The following PDE10A variants were observed in gnomAD, a reference collection of about 807,000 sequenced individuals.
PDE10A encodes the protein phosphodiesterase 10A, also known as cAMP and cAMP-inhibited cGMP 3',5'-cyclic phosphodiesterase 10A.
A neutral mutation model predicts 97.7 loss-of-function variants in PDE10A; 39 were observed. That is an observed-to-expected ratio of 0.40 (90% confidence interval 0.31 to 0.52). The LOEUF (loss-of-function observed/expected upper bound fraction) is 0.52. Among genes scored for constraint, PDE10A ranks in the 20% least tolerant of loss-of-function variants. The pLI, the probability that PDE10A is intolerant of heterozygous loss-of-function variation, is 0.56. For synonymous variants in PDE10A, 371 were observed against 376.8 expected, an observed-to-expected ratio of 0.98 and a Z score of 0.18; for missense variants, 731 against 1,047.8, an observed-to-expected ratio of 0.70 and a Z score of 4.17.
chr6:165,541,771 T>C (rs776946797), intron 2 of PDE10A, among the ~76,000 whole-genome samples: 13 of 152,212 alleles, frequency 8.5e-5, no homozygotes, highest in Non-Finnish European at 1.6e-4. Context: ...AATGCCAAGA[T>C]TGAGAAGACA....
intron 1 of PDE10A, among the ~76,000 whole-genome samples, chr6:165,680,692 T>C (rs1790950920): frequency 6.6e-6 from 1 of 152,062 alleles, no homozygotes. Context: ...TCACTTGAGG[T>C]CAAGCGTTCG....
At chr6:165,431,320 T>A in intron 8 of PDE10A, 102 bp downstream of exon 8, 1 of 607,078 alleles carries the variant, frequency 1.6e-6, no homozygotes, top group Non-Finnish European at 2.9e-6. Flanking sequence ...TATCCCAAAA[T>A]AAGGCATTGG....
Position 165,334,197 on chromosome 6 carries a change from T to C in PDE10A, c.3066-1070A>G, listed in dbSNP as rs1309578772. 3.9e-5 allele frequency among the ~76,000 whole-genome samples: 6 copies of C among 152,374 alleles called. No individual in the cohort carries two copies. In the South Asian group the frequency reaches 1.2e-3, roughly 32 times the overall value. Reference sequence around the variant, plus strand: ...AGTTATGTGGTCCAGCCAAGTATACTGAAGCAGGAATGAGGCAGAGCTGCC... The same window carrying C: ...AGTTATGTGGTCCAGCCAAGTATACCGAAGCAGGAATGAGGCAGAGCTGCC... On this transcript the variant is annotated intron_variant, in intron 21 of 21. Transcript: ENST00000539869.
intron 1 of PDE10A, among the ~76,000 whole-genome samples, chr6:165,798,622 C>T (rs1330550513): frequency 6.6e-6 from 1 of 152,052 alleles, no homozygotes; most frequent in African/African-American, 2.4e-5. Flanking sequence ...GGGAAACTGC[C>T]TCATATTTAA....
intron 1 of PDE10A, among the ~76,000 whole-genome samples, chr6:165,562,039 G>C (rs773584310): frequency 2.2e-4 from 34 of 152,092 alleles, no homozygotes; most frequent in African/African-American, 2.4e-5. Flanking sequence ...AGGAGGCCGA[G>C]GCAGGAGGAT....
chr6:165,456,963 C>A (rs2128254212), intron 3 of PDE10A, among the ~76,000 whole-genome samples: 1 of 152,222 alleles, frequency 6.6e-6, no homozygotes, highest in Non-Finnish European at 1.5e-5. Flanking sequence ...AAATTACATG[C>A]AAATGTACTA....
At chr6:165,564,962 T>A (rs1227431621) in intron 1 of PDE10A, among the ~76,000 whole-genome samples, 1 of 152,138 alleles carries the variant, frequency 6.6e-6, no homozygotes, top group African/African-American at 2.4e-5. Context: ...ATGGATTTTT[T>A]AAAAATAACT....
In PDE10A at chr6:165,327,383, ATATTT is replaced by A. The variant is rs1481184318; in HGVS notation, c.*5637_*5641del. 1.3e-5 allele frequency: 2 copies of A among 152,220 alleles called. No individual in the cohort carries two copies. Among genetic ancestry groups the A allele is most frequent in the Non-Finnish European group, 2.9e-5 (2 of 68,040 alleles). The allele number at this position is 152,220 out of a possible 1,614,324, so 9.4% of individuals were successfully genotyped here. On this transcript the variant is annotated 3_prime_UTR_variant, in exon 22 of 22. Transcript: ENST00000539869. ...TATATTTCATGTATCATACATATATATATTTTATGTGTATAATTACATATCAACAA... is the reference window on the plus strand; with the variant it reads ...TATATTTCATGTATCATACATATATATATGTGTATAATTACATATCAACAA...
chr6:165,965,478 C>T (rs779676891), intron 1 of PDE10A, among the ~76,000 whole-genome samples: 2 of 152,144 alleles, frequency 1.3e-5, no homozygotes, highest in Non-Finnish European at 2.9e-5. Context: ...AAAATCACCA[C>T]AATTCTGTCA....
At chr6:165,517,638 C>T (rs1178387755) in intron 2 of PDE10A, among the ~76,000 whole-genome samples, 2 of 152,154 alleles carry the variant, frequency 1.3e-5, no homozygotes, top group Non-Finnish European at 2.9e-5. Flanking sequence ...AGGCTCGACA[C>T]TGCATGATGT....
chr6:165,575,160 C>G (rs1225802360), intron 1 of PDE10A, among the ~76,000 whole-genome samples: 1 of 152,168 alleles, frequency 6.6e-6, no homozygotes, highest in Non-Finnish European at 1.5e-5. Context: ...AACACCTCAG[C>G]AAGCACCACA....
At chr6:165,392,824 G>T in intron 15 of PDE10A, 28 bp from the exon 16 acceptor site, 1 of 1,606,744 alleles carries the variant, frequency 6.2e-7, no homozygotes, top group Non-Finnish European at 8.5e-7. Flanking sequence ...TGTTATGACT[G>T]AAACCAGTAG....
intron 1 of PDE10A, among the ~76,000 whole-genome samples, chr6:165,877,188 A>G (rs936602075): frequency 6.6e-6 from 1 of 152,190 alleles, no homozygotes; most frequent in African/African-American, 2.4e-5. Context: ...CCTCATTGAC[A>G]AGCCCCATCA....
intron 1 of PDE10A, among the ~76,000 whole-genome samples, chr6:165,658,311 C>T (rs1383836849): frequency 1.3e-5 from 2 of 152,202 alleles, no homozygotes; most frequent in East Asian, 1.9e-4. Flanking sequence ...GCATACACAT[C>T]TCCTGTTTTG....
chr6:165,955,604 T>C (rs749042758), intron 1 of PDE10A, among the ~76,000 whole-genome samples: 1 of 152,222 alleles, frequency 6.6e-6, no homozygotes, highest in Non-Finnish European at 1.5e-5. Context: ...CAAAGCCAGA[T>C]ACTAATCCAC....
At chr6:165,370,222 A>T (rs1784130670) in intron 18 of PDE10A, among the ~76,000 whole-genome samples, 1 of 151,828 alleles carries the variant, frequency 6.6e-6, no homozygotes, top group Non-Finnish European at 1.5e-5. Context: ...AAATTCACAC[A>T]TAACAATATT....
chr6:165,947,899 G>A (rs552520121), intron 1 of PDE10A, among the ~76,000 whole-genome samples: 3 of 152,148 alleles, frequency 2.0e-5, no homozygotes, highest in African/African-American at 4.8e-5. Context: ...CCTTCTGAAA[G>A]GGCAGCGTTA....
rs939582342 is a variant in PDE10A at position 165,816,184 on chromosome 6, C to T, written c.-615+171345G>A. ...CAGGATGCTCTCAATCTCCTGACCTCGTGATCTGCCCGCCTTGGCCTCCCA... is the reference window on the plus strand; with the variant it reads ...CAGGATGCTCTCAATCTCCTGACCTTGTGATCTGCCCGCCTTGGCCTCCCA... On this transcript the variant is annotated intron_variant, in intron 1 of 19. Coordinates refer to the PDE10A transcript ENST00000366882. 2.6e-5 allele frequency among the ~76,000 whole-genome samples: 4 copies of T among 152,266 alleles called. 1 individual carries two copies. Among genetic ancestry groups the T allele is most frequent in the Non-Finnish European group, 2.9e-5 (2 of 68,030 alleles).
At chr6:165,511,404 A>T (rs1423439824) in intron 2 of PDE10A, among the ~76,000 whole-genome samples, 1 of 142,140 alleles carries the variant, frequency 7.0e-6, no homozygotes, top group African/African-American at 2.5e-5. Flanking sequence ...CAAAATTTTT[A>T]AAATATCTTG....
Sources: gnomAD v4.1 joint callset for allele counts (sites outside exome capture counted in the v4.1 genomes callset) on GRCh38, gnomAD v4.1.1 for gene constraint, MANE v1.5 for transcripts, NCBI Gene and HGNC (gene_info 2026-07-23, HGNC 2026-07-21) for gene names.